Variants in NFIA observed in about 807,000 individuals in gnomAD.
NFIA encodes the protein nuclear factor I A.
A neutral mutation model predicts 62.8 loss-of-function variants in NFIA; 8 were observed. The observed-to-expected ratio is 0.13, with a 90% CI of 0.07 to 0.23. The LOEUF is 0.23. Among genes scored for constraint, NFIA ranks in the 10% least tolerant of loss-of-function variants. The probability of loss-of-function intolerance (pLI) is 1.00; values close to 1 mark genes in which losing one functional copy is unlikely to be tolerated. For synonymous variants in NFIA, 235 were observed against 238.1 expected (o/e 0.99, Z 0.12); for missense variants, 410 against 642.1 (o/e 0.64, Z 3.91).
At chr1:61,260,426 A>G (rs1042032067) in intron 2 of NFIA, among the ~76,000 whole-genome samples, 3 of 152,144 alleles carry the variant, frequency 2.0e-5, no homozygotes, top group Non-Finnish European at 2.9e-5. Context: ...TGTGATATAG[A>G]CTGGGTGAGG....
intron 2 of NFIA, among the ~76,000 whole-genome samples, chr1:61,267,407 G>A (rs1570480747): frequency 1.3e-5 from 2 of 152,102 alleles, no homozygotes; most frequent in Admixed American, 1.3e-4. Context: ...TACTTGGGAG[G>A]CTGAGGCAGG....
At chr1:61,429,772 T>C (rs1162610612) in intron 10 of NFIA, among the ~76,000 whole-genome samples, 1 of 152,234 alleles carries the variant, frequency 6.6e-6, no homozygotes, top group Non-Finnish European at 1.5e-5. Context: ...TGCCACAACG[T>C]GGATGAATCT....
chr1:61,359,147 C>A lies in NFIA; in HGVS notation c.819C>A (p.Ser273Arg). 1.2e-6 allele frequency: 2 copies of A among 1,612,968 alleles called. No homozygotes were observed. Among genetic ancestry groups the A allele is most frequent in the Non-Finnish European group, 8.5e-7 (1 of 1,179,644 alleles). Residue 273 changes from serine (S) to arginine (R), a missense_variant and splice_region_variant, in exon 6 of 11, where the codon AGC (serine) becomes AGA (arginine). Around this residue, in one of 3 missense-constraint regions of NFIA, gnomAD observed 298 missense variants for 438.1 expected, o/e 0.68. Transcript: ENST00000403491. Reference protein sequence around the residue: ...RRSLPSTSSTSSTKRLKSVED... With the variant: ...RRSLPSTSSTRSTKRLKSVED... Reference sequence around the variant, plus strand: ...AACATGCACCCATTTGTTATTTCAGCTCCACAAAGCGCCTCAAGTCTGTGG... The same window carrying A: ...AACATGCACCCATTTGTTATTTCAGATCCACAAAGCGCCTCAAGTCTGTGG...
intron 9 of NFIA, among the ~76,000 whole-genome samples, chr1:61,420,444 A>G (rs1666562518): frequency 6.6e-6 from 1 of 151,898 alleles, no homozygotes; most frequent in Non-Finnish European, 1.5e-5. Flanking sequence ...TGAGGTATTT[A>G]GCCACCTCCT....
chr1:61,178,726 C>A (rs975808940), intron 2 of NFIA, among the ~76,000 whole-genome samples: 1 of 152,130 alleles, frequency 6.6e-6, no homozygotes, highest in Non-Finnish European at 1.5e-5. Flanking sequence ...TGCAGTGGAC[C>A]CCGAAGCCAG....
chr1:61,149,906 G>A (rs1323645479), intron 2 of NFIA, among the ~76,000 whole-genome samples: 1 of 152,028 alleles, frequency 6.6e-6, no homozygotes, highest in African/African-American at 2.4e-5. Flanking sequence ...GTTTCAGTAA[G>A]GACAAGCTTA....
intron 7 of NFIA, among the ~76,000 whole-genome samples, chr1:61,397,780 C>G (rs759415252): frequency 1.5e-4 from 23 of 152,164 alleles, no homozygotes; most frequent in Non-Finnish European, 3.1e-4. Context: ...AAGCCCTGGT[C>G]CTTATATTAT....
At chr1:61,097,245 G>A (rs1055213542) in intron 2 of NFIA, among the ~76,000 whole-genome samples, 2 of 152,060 alleles carry the variant, frequency 1.3e-5, no homozygotes, top group African/African-American at 4.8e-5. Flanking sequence ...GCTTATGGTG[G>A]TCCCAAATAA....
intron 6 of NFIA, among the ~76,000 whole-genome samples, chr1:61,363,937 C>G (rs1663443650): frequency 7.1e-6 from 1 of 140,710 alleles, no homozygotes. Flanking sequence ...TTCTTTACAT[C>G]TGCATCTACT....
chr1:61,312,808 C>A (rs1455141409), intron 3 of NFIA, among the ~76,000 whole-genome samples: 1 of 151,908 alleles, frequency 6.6e-6, no homozygotes, highest in East Asian at 1.9e-4. Context: ...CCACCATGCC[C>A]AACTTCAAAT....
At chr1:61,440,655 C>T (rs1159791480) in intron 10 of NFIA, among the ~76,000 whole-genome samples, 2 of 151,376 alleles carry the variant, frequency 1.3e-5, no homozygotes, top group Non-Finnish European at 2.9e-5. Context: ...TTTGTATCCT[C>T]CTCCCGATGC....
intron 9 of NFIA, among the ~76,000 whole-genome samples, chr1:61,421,005 G>C (rs186327066): frequency 6.6e-6 from 1 of 151,922 alleles, no homozygotes; most frequent in Non-Finnish European, 1.5e-5. Flanking sequence ...TGCCAGCTCC[G>C]TTCCCTGCCT....
intron 7 of NFIA, among the ~76,000 whole-genome samples, chr1:61,389,656 T>G (rs760390113): frequency 5.3e-4 from 81 of 152,212 alleles, no homozygotes; most frequent in Admixed American, 9.2e-4. Context: ...AACAATTACT[T>G]TGTTTTCACA....
intron 2 of NFIA, among the ~76,000 whole-genome samples, chr1:61,138,244 C>T (rs992114013): frequency 7.9e-5 from 12 of 152,084 alleles, no homozygotes; most frequent in African/African-American, 2.2e-4. Context: ...TACAGGCACA[C>T]GCCACCACGT....
chr1:61,230,591 A>G (rs1044850696), intron 2 of NFIA, among the ~76,000 whole-genome samples: 1 of 152,092 alleles, frequency 6.6e-6, no homozygotes, highest in African/African-American at 2.4e-5. Flanking sequence ...GTCTTTCCCA[A>G]TCATCTATCC....
intron 2 of NFIA, among the ~76,000 whole-genome samples, chr1:61,249,488 G>A (rs1408912739): frequency 6.6e-6 from 1 of 152,140 alleles, no homozygotes; most frequent in African/African-American, 2.4e-5. Flanking sequence ...ATGAATAATG[G>A]CCAGATGCGG....
At chr1:61,363,160 A>G (rs60818574) in intron 6 of NFIA, among the ~76,000 whole-genome samples, 21,848 of 152,302 alleles carry the variant, frequency 0.14, 2,540 homozygotes, top group African/African-American at 0.32. Context: ...CCAAGCCCAC[A>G]CAGATAGTAA....
chr1:61,256,221 T>C (rs1026033195), intron 2 of NFIA, among the ~76,000 whole-genome samples: 1 of 151,774 alleles, frequency 6.6e-6, no homozygotes, highest in Non-Finnish European at 1.5e-5. Flanking sequence ...TGAGGTGAGG[T>C]CAGGAGTTCA....
At chr1:61,376,499 G>T (rs913612761) in intron 6 of NFIA, among the ~76,000 whole-genome samples, 2 of 152,092 alleles carry the variant, frequency 1.3e-5, no homozygotes, top group South Asian at 2.1e-4. Flanking sequence ...TGTTAGAATC[G>T]CTGATAATTC....
Sources: gnomAD v4.1 joint callset for allele counts (sites outside exome capture counted in the v4.1 genomes callset) on GRCh38, gnomAD v4.1.1 for gene constraint, gnomAD v4.1.1 regional missense constraint, MANE v1.5 for transcripts, NCBI Gene and HGNC (gene_info 2026-07-23, HGNC 2026-07-21) for gene names.